The following CCNY variants were observed in gnomAD, a reference collection of about 807,000 sequenced individuals.
CCNY encodes the protein cyclin Y, also known as cyclin-Y.
CCNY carries 19 observed loss-of-function variants against 42.8 expected under a neutral mutation model. The ratio of observed to expected loss-of-function variants is 0.44; its 90% CI spans 0.31 to 0.65. The LOEUF (loss-of-function observed/expected upper bound fraction) is 0.65. Ranked by LOEUF, CCNY falls within the 30% of genes least tolerant of loss-of-function variation. CCNY has a pLI of 0.07. For synonymous variants in CCNY, 165 were observed against 162.7 expected (o/e 1.01, Z -0.11); for missense variants, 370 against 437.3 (o/e 0.85, Z 1.37).
intron 3 of CCNY, among the ~76,000 whole-genome samples, chr10:35,329,775 C>T (rs987781373): frequency 6.6e-5 from 10 of 152,118 alleles, no homozygotes; most frequent in Non-Finnish European, 1.5e-4. Flanking sequence ...GTTTGAGCAG[C>T]TGGGGAGAAA....
chr10:35,304,532 G>A lies in CCNY; in HGVS notation c.-9+53906G>A, dbSNP rs994150300. Among the ~76,000 whole-genome samples, 7 of 127,164 alleles carry A rather than the reference G, an allele frequency of 5.5e-5. 2 individuals carry two copies. Among genetic ancestry groups the A allele is most frequent in the Non-Finnish European group, 1.1e-4 (7 of 61,396 alleles). 83.4% of individuals were successfully genotyped at this position (127,164 alleles called of 152,430 possible). ...TCACCGTTTTAGCCGGGATGGTCTCGATCTCTTGACCTCGTGATCCGCCCG... is the reference window on the plus strand; with the variant it reads ...TCACCGTTTTAGCCGGGATGGTCTCAATCTCTTGACCTCGTGATCCGCCCG... On this transcript the variant is annotated intron_variant, in intron 3 of 11. Coordinates refer to the CCNY transcript ENST00000374706.
intron 3 of CCNY, among the ~76,000 whole-genome samples, chr10:35,253,128 T>G (rs1049839828): frequency 1.8e-4 from 27 of 152,198 alleles, no homozygotes; most frequent in African/African-American, 6.5e-4. Context: ...TAACACATGA[T>G]AGAGTCAAAT....
chr10:35,265,396 T>C (rs566597719), intron 3 of CCNY, among the ~76,000 whole-genome samples: 26 of 152,216 alleles, frequency 1.7e-4, no homozygotes, highest in Admixed American at 7.2e-4. Context: ...AATAATGATG[T>C]GTATGTTTAT....
intron 3 of CCNY, among the ~76,000 whole-genome samples, chr10:35,318,366 A>T (rs1452657911): frequency 6.6e-6 from 1 of 152,160 alleles, no homozygotes; most frequent in African/African-American, 2.4e-5. Context: ...GGGCCTTACA[A>T]CTGAGAACTG....
At position 35,566,136 on chromosome 10, in the gene CCNY, T is replaced by C; in HGVS notation, c.860T>C (p.Leu287Pro). Residue 287 changes from leucine (L) to proline (P), a missense_variant, in exon 9 of 10, where the codon CTG (leucine) becomes CCG (proline). Transcript: ENST00000374704. ...CGTTCTCTGGCAGAAGCGAACAACCTGAGCTTTCCCTTGGAGCCCCTGAGC... is the reference window on the plus strand; with the variant it reads ...CGTTCTCTGGCAGAAGCGAACAACCCGAGCTTTCCCTTGGAGCCCCTGAGC... ...DLRSLAEANN[L>P]SFPLEPLSRE... is the part of the protein sequence containing the mutation. The C allele has an allele frequency of 6.2e-7, 1 of 1,614,174 alleles. No homozygotes were observed. The highest frequency in any genetic ancestry group is 8.5e-7 in the Non-Finnish European group (1 of 1,179,962).
intron 3 of CCNY, among the ~76,000 whole-genome samples, chr10:35,504,717 A>G (rs1286153006): frequency 2.0e-5 from 3 of 151,888 alleles, no homozygotes; most frequent in South Asian, 2.1e-4. Context: ...GCTCACTGCA[A>G]CCTCCCCAAC....
At chr10:35,390,139 G>C (rs563552664) in intron 1 of CCNY, among the ~76,000 whole-genome samples, 14 of 152,196 alleles carry the variant, frequency 9.2e-5, no homozygotes, top group African/African-American at 3.1e-4. Context: ...AATAAGCACA[G>C]TAGCATAATT....
intron 4 of CCNY, among the ~76,000 whole-genome samples, chr10:35,520,259 G>T (rs577219948): frequency 8.8e-4 from 134 of 152,254 alleles, no homozygotes; most frequent in African/African-American, 2.8e-3. Flanking sequence ...AGAGGAAAGG[G>T]ATACTCAGAA....
intron 3 of CCNY, among the ~76,000 whole-genome samples, chr10:35,294,072 G>A (rs1835445014): frequency 6.6e-6 from 1 of 152,148 alleles, no homozygotes; most frequent in African/African-American, 2.4e-5. Context: ...TTACAGGCGT[G>A]AGCCACTGCG....
Position 35,493,014 on chromosome 10 carries a change from C to T in CCNY, c.230-8487C>T, listed in dbSNP as rs570053911. Among the ~76,000 whole-genome samples, 4 of 152,118 alleles carry T rather than the reference C, an allele frequency of 2.6e-5. No homozygotes were observed. The East Asian group carries it at 7.7e-4, about 29-fold the overall frequency. ...TGCATGGGGGGGGGAGGGCAGGTAT[C>T]AGGTTTCTTGGCCAGGCCTCGCCCT... On this transcript the variant is annotated intron_variant, in intron 2 of 9. Coordinates refer to ENST00000374704, the MANE Select transcript of CCNY (RefSeq NM_145012.6).
rs549472062 is a variant in CCNY at position 35,528,639 on chromosome 10, C to T, written c.402-1334C>T. On this transcript the variant is annotated intron_variant, in intron 5 of 9. Coordinates refer to ENST00000374704, the MANE Select transcript of CCNY (RefSeq NM_145012.6). ...TACAAGGAGGCTGAGGCAGGAGAAT[C>T]GCTTGAACCCGGGAGGTGGAGGTTG... Among the ~76,000 whole-genome samples, 12 of 152,220 alleles carry T rather than the reference C, an allele frequency of 7.9e-5. No individual in the cohort carries two copies. In the South Asian group the frequency reaches 2.1e-3, roughly 26 times the overall value.
chr10:35,556,867 CAG>C (rs1841372156), intron 8 of CCNY, among the ~76,000 whole-genome samples: 1 of 147,096 alleles, frequency 6.8e-6, no homozygotes, highest in Non-Finnish European at 1.5e-5. Flanking sequence ...TTTTTTAAGA[CAG>C]AGTTTCATTG....
chr10:35,280,222 G>A (rs887253485), intron 3 of CCNY, among the ~76,000 whole-genome samples: 1 of 152,160 alleles, frequency 6.6e-6, no homozygotes, highest in Non-Finnish European at 1.5e-5. Context: ...AGCTACTCAG[G>A]AGGCTGAGGC....
intron 1 of CCNY, among the ~76,000 whole-genome samples, chr10:35,388,295 A>G (rs1190054999): frequency 6.6e-6 from 1 of 152,226 alleles, no homozygotes; most frequent in East Asian, 1.9e-4. Context: ...AGATTGTCTG[A>G]GAGCAGACAT....
chr10:35,519,760 CTTTTTCTTTTCTTTTCTTTTTTTTT>C (rs1237985492), intron 4 of CCNY, among the ~76,000 whole-genome samples: 1 of 114,752 alleles, frequency 8.7e-6, no homozygotes, highest in African/African-American at 3.4e-5. Context: ...AAAGTATCTT[CTTTTTCTTTTCTTTTCTTTTTTTTT>C]TTTTTTTTTT....
chr10:35,418,288 G>T (rs1838070358), intron 1 of CCNY, among the ~76,000 whole-genome samples: 1 of 152,094 alleles, frequency 6.6e-6, no homozygotes, highest in African/African-American at 2.4e-5. Flanking sequence ...TCTGCCTGTA[G>T]CCGGGGGTGG....
intron 3 of CCNY, among the ~76,000 whole-genome samples, chr10:35,314,100 G>A (rs1281362115): frequency 6.7e-6 from 1 of 149,806 alleles, no homozygotes; most frequent in Non-Finnish European, 1.5e-5. Flanking sequence ...AACAGAAAAA[G>A]AAAATAAAAA....
chr10:35,452,237 T>A (rs1838934101), intron 1 of CCNY, among the ~76,000 whole-genome samples: 1 of 152,226 alleles, frequency 6.6e-6, no homozygotes, highest in Non-Finnish European at 1.5e-5. Context: ...TATACTGCAT[T>A]CCACACTTGA....
chr10:35,450,176 C>G (rs112624873), intron 1 of CCNY, among the ~76,000 whole-genome samples: 1,561 of 151,410 alleles, frequency 0.01, 23 homozygotes, highest in African/African-American at 0.036. Context: ...TGGAATCGGG[C>G]TTTGTGGTCT....
Sources: allele counts gnomAD v4.1 joint callset (sites outside exome capture counted in the v4.1 genomes callset), GRCh38; gene constraint gnomAD v4.1.1; transcripts MANE v1.5; gene names NCBI Gene and HGNC (gene_info 2026-07-23, HGNC 2026-07-21).